The following KCNIP4 variants were observed in gnomAD, a reference collection of about 807,000 sequenced individuals.
KCNIP4 encodes the protein Kv channel-interacting protein 4.
Under a neutral mutation model 34.0 loss-of-function variants are expected in KCNIP4, and 12 were observed. That is an observed-to-expected ratio of 0.35 (90% CI 0.23 to 0.57). The LOEUF is 0.57. Ranked by LOEUF, KCNIP4 falls within the 20% of genes least tolerant of loss-of-function variation. The pLI is 0.83. For missense variants in KCNIP4, 238 were observed against 311.7 expected (o/e 0.76, Z 1.78); for synonymous variants, 124 against 102.2 (o/e 1.21, Z -1.29).
At chr4:21,640,904 A>T (rs1746567204) in intron 1 of KCNIP4, among the ~76,000 whole-genome samples, 1 of 152,150 alleles carries the variant, frequency 6.6e-6, no homozygotes, top group South Asian at 2.1e-4. Context: ...AGGACCATAC[A>T]GGACAACCAT....
intron 1 of KCNIP4, among the ~76,000 whole-genome samples, chr4:21,402,873 A>T (rs539562440): frequency 2.0e-5 from 3 of 152,178 alleles, no homozygotes; most frequent in African/African-American, 7.2e-5. Context: ...CTATTTTTTA[A>T]AAAAAACAAA....
chr4:21,936,612 T>C (rs1729876427), intron 1 of KCNIP4, among the ~76,000 whole-genome samples: 1 of 152,074 alleles, frequency 6.6e-6, no homozygotes, highest in Non-Finnish European at 1.5e-5. Context: ...CGGGCAAGAA[T>C]GGTCCAGGCA....
intron 1 of KCNIP4, among the ~76,000 whole-genome samples, chr4:21,384,484 G>T (rs1721827656): frequency 6.6e-6 from 1 of 152,164 alleles, no homozygotes. Context: ...ACAATGGGAA[G>T]ATTTTGAACC....
At chr4:21,020,161 A>G (rs141305783) in intron 1 of KCNIP4, among the ~76,000 whole-genome samples, 280 of 152,314 alleles carry the variant, frequency 1.8e-3, no homozygotes, top group African/African-American at 6.4e-3. Context: ...TAAATGGACA[A>G]TCTTTGAAGC....
At chr4:20,933,573 A>C (rs1181914785) in intron 1 of KCNIP4, among the ~76,000 whole-genome samples, 1 of 152,110 alleles carries the variant, frequency 6.6e-6, no homozygotes, top group African/African-American at 2.4e-5. Flanking sequence ...GATTATCCAC[A>C]ATTTCTTATA....
chr4:20,960,033 G>A (rs1302535059), intron 1 of KCNIP4, among the ~76,000 whole-genome samples: 2 of 152,124 alleles, frequency 1.3e-5, no homozygotes, highest in Non-Finnish European at 2.9e-5. Context: ...AGAGTAGACA[G>A]ACTGTGCATA....
chr4:21,309,628 C>T (rs1198540756), intron 1 of KCNIP4, among the ~76,000 whole-genome samples: 1 of 152,164 alleles, frequency 6.6e-6, no homozygotes, highest in East Asian at 1.9e-4. Context: ...TCACTGTATC[C>T]TCTGTAAACC....
At chr4:21,814,464 C>T (rs1034158312) in intron 1 of KCNIP4, among the ~76,000 whole-genome samples, 1 of 152,146 alleles carries the variant, frequency 6.6e-6, no homozygotes, top group Non-Finnish European at 1.5e-5. Context: ...CCTGCACAAG[C>T]TCTCTCCTGC....
intron 1 of KCNIP4, among the ~76,000 whole-genome samples, chr4:21,644,188 T>C (rs1242355093): frequency 6.6e-6 from 1 of 152,036 alleles, no homozygotes; most frequent in Non-Finnish European, 1.5e-5. Context: ...TCTACAGAGA[T>C]CCAGAGTCAG....
At chr4:21,825,203 CTG>C (rs1025192596) in intron 1 of KCNIP4, among the ~76,000 whole-genome samples, 1 of 151,558 alleles carries the variant, frequency 6.6e-6, no homozygotes, top group African/African-American at 2.4e-5. Flanking sequence ...TCAAGTGCCA[CTG>C]AGAGATGTGA....
At chr4:20,764,355 TG>T (rs1445438228) in intron 3 of KCNIP4, among the ~76,000 whole-genome samples, 2 of 152,118 alleles carry the variant, frequency 1.3e-5, no homozygotes, top group African/African-American at 4.8e-5. Flanking sequence ...TTTTACATCA[TG>T]ATTTTTAGTG....
intron 1 of KCNIP4, among the ~76,000 whole-genome samples, chr4:21,511,718 T>G (rs1180661348): frequency 6.6e-6 from 1 of 152,006 alleles, no homozygotes; most frequent in Non-Finnish European, 1.5e-5. Context: ...AAATCATGTG[T>G]CTGAATTTAC....
At chr4:20,875,356 T>C (rs1485546932) in intron 2 of KCNIP4, among the ~76,000 whole-genome samples, 2 of 152,200 alleles carry the variant, frequency 1.3e-5, no homozygotes, top group African/African-American at 4.8e-5. Context: ...TAATCCCTCA[T>C]ACCTCAGTTT....
At chr4:21,559,144 T>A (rs758633947) in intron 1 of KCNIP4, among the ~76,000 whole-genome samples, 9 of 152,094 alleles carry the variant, frequency 5.9e-5, no homozygotes, top group Non-Finnish European at 1.3e-4. Flanking sequence ...GCCACCTGAA[T>A]AAGTCTATTT....
rs117181096 is a variant in KCNIP4, at chr4:21,876,060, A to G, written c.61+72511T>C. ...AGCCTATGGCCTTCTTCTCAAAACA[A>G]TGCTTTCCAATGAATAAAAGAAAAT... On this transcript the variant is annotated intron_variant, in intron 1 of 8. Coordinates refer to ENST00000382152, the MANE Select transcript of KCNIP4 (RefSeq NM_025221.6). 3.9e-5 allele frequency among the ~76,000 whole-genome samples: 6 copies of G among 152,290 alleles called. No homozygotes were observed. In the East Asian group the frequency reaches 1.2e-3, roughly 29 times the overall value.
At chr4:21,605,905 C>G (rs1743611098) in intron 1 of KCNIP4, among the ~76,000 whole-genome samples, 1 of 152,154 alleles carries the variant, frequency 6.6e-6, no homozygotes, top group Non-Finnish European at 1.5e-5. Context: ...TGAGTAGACG[C>G]AAGTTGAGGG....
intron 1 of KCNIP4, among the ~76,000 whole-genome samples, chr4:20,956,976 TTTGA>T (rs1349545526): frequency 1.3e-5 from 2 of 152,076 alleles, no homozygotes; most frequent in African/African-American, 2.4e-5. Context: ...ATGTATATAG[TTTGA>T]TTAGTAGTGT....
intron 1 of KCNIP4, among the ~76,000 whole-genome samples, chr4:21,236,906 C>T (rs1001476838): frequency 5.3e-5 from 8 of 150,832 alleles, no homozygotes; most frequent in African/African-American, 2.0e-4. Context: ...ACTCGGGAGG[C>T]TGAGGCAGAG....
chr4:21,213,933 A>C (rs975070274), intron 1 of KCNIP4, among the ~76,000 whole-genome samples: 1 of 152,118 alleles, frequency 6.6e-6, no homozygotes, highest in Non-Finnish European at 1.5e-5. Flanking sequence ...GGAATGTCCC[A>C]TGTCTGCACA....
Sources: allele counts gnomAD v4.1 joint callset (sites outside exome capture counted in the v4.1 genomes callset), GRCh38; gene constraint gnomAD v4.1.1; transcripts MANE v1.5; gene names NCBI Gene and HGNC (gene_info 2026-07-23, HGNC 2026-07-21).